Variants in UBAC2 observed in about 807,000 individuals in gnomAD.
UBAC2 encodes ubiquitin-associated domain-containing protein 2.
Under a neutral mutation model 44.0 loss-of-function variants are expected in UBAC2, and 26 were observed. That is an observed-to-expected ratio of 0.59 (90% CI 0.43 to 0.82). UBAC2 has a LOEUF of 0.82. Ranked by LOEUF, UBAC2 falls within the 40% of genes least tolerant of loss-of-function variation. The pLI is 0.00. For missense variants in UBAC2, 329 were observed against 419.4 expected (o/e 0.78, Z 1.88); for synonymous variants, 155 against 154.3 (o/e 1.00, Z -0.04).
chr13:99,329,469 G>A (rs1200802177), intron 6 of UBAC2, among the ~76,000 whole-genome samples: 3 of 152,152 alleles, frequency 2.0e-5, no homozygotes, highest in African/African-American at 7.2e-5. Context: ...TCCTCTGCTA[G>A]CATTTGAGCT....
chr13:99,291,166 A>G (rs1276490204), intron 4 of UBAC2, among the ~76,000 whole-genome samples: 3 of 152,172 alleles, frequency 2.0e-5, no homozygotes, highest in Non-Finnish European at 1.5e-5. Flanking sequence ...TAGTCATACC[A>G]TGTCTTAAGG....
chr13:99,209,254 G>T (rs1355623218), intron 1 of UBAC2, among the ~76,000 whole-genome samples: 1 of 152,168 alleles, frequency 6.6e-6, no homozygotes, highest in Non-Finnish European at 1.5e-5. Flanking sequence ...GCCCCTCAAG[G>T]ATTCACTTCA....
Position 99,302,097 on chromosome 13 carries a change from A to G in UBAC2, c.390-12000A>G, listed in dbSNP as rs570923341. 5.3e-5 allele frequency among the ~76,000 whole-genome samples: 8 copies of G among 152,274 alleles called. No homozygotes were observed. The South Asian group carries it at 1.0e-3, about 20-fold the overall frequency. ...TTATACAGAGAGGTGACCTAAATCA[A>G]TGTGCCCACAGTGGATGTACCAAAG... On this transcript the variant is annotated intron_variant, in intron 4 of 8. Coordinates refer to ENST00000403766, the MANE Select transcript of UBAC2 (RefSeq NM_001144072.2).
intron 4 of UBAC2, among the ~76,000 whole-genome samples, chr13:99,300,550 G>A (rs1199165746): frequency 6.6e-6 from 1 of 152,152 alleles, no homozygotes; most frequent in East Asian, 1.9e-4. Flanking sequence ...TCTTCCCTTA[G>A]AGATATTACT....
intron 4 of UBAC2, among the ~76,000 whole-genome samples, chr13:99,292,795 A>G (rs1040857653): frequency 6.6e-6 from 1 of 151,394 alleles, no homozygotes. Flanking sequence ...CCCAATTATT[A>G]TTTAAAATTG....
chr13:99,277,139 A>G (rs2043894201), intron 4 of UBAC2, among the ~76,000 whole-genome samples: 1 of 151,864 alleles, frequency 6.6e-6, no homozygotes, highest in Non-Finnish European at 1.5e-5. Flanking sequence ...GTGGGCTTAT[A>G]CCTTTAAAAA....
intron 8 of UBAC2, among the ~76,000 whole-genome samples, chr13:99,381,646 A>G (rs980839594): frequency 6.6e-6 from 1 of 152,172 alleles, no homozygotes; most frequent in Non-Finnish European, 1.5e-5. Flanking sequence ...GGAACATCAT[A>G]CAGGTTATTT....
intron 6 of UBAC2, among the ~76,000 whole-genome samples, chr13:99,322,684 C>A (rs2044584466): frequency 2.0e-5 from 3 of 152,256 alleles, no homozygotes; most frequent in Non-Finnish European, 4.4e-5. Flanking sequence ...GGAAAAAAAA[C>A]AATCTGTTAC....
chr13:99,283,251 G>A lies in UBAC2; in HGVS notation c.390-30846G>A, dbSNP rs184274029. On this transcript the variant is annotated intron_variant, in intron 4 of 8. Coordinates refer to ENST00000403766, the MANE Select transcript of UBAC2 (RefSeq NM_001144072.2). ...TGTGGTTTTCAGCTGTTATTCCAGT[G>A]TGTAGAATAGCAGCTGGTTCATAGA... Among the ~76,000 whole-genome samples the A allele has an allele frequency of 1.2e-4, 18 of 152,254 alleles. No homozygotes were observed. The Middle Eastern group carries it at 0.014, about 115-fold the overall frequency.
intron 1 of UBAC2, among the ~76,000 whole-genome samples, chr13:99,232,877 G>C (rs796737986): frequency 6.6e-6 from 1 of 152,170 alleles, no homozygotes. Flanking sequence ...AGGAGGTGGA[G>C]GTTGCAGTCA....
intron 4 of UBAC2, among the ~76,000 whole-genome samples, chr13:99,277,914 C>T (rs1323434953): frequency 1.3e-5 from 2 of 152,146 alleles, no homozygotes; most frequent in Non-Finnish European, 2.9e-5. Context: ...AGGAACATAA[C>T]GTTCTTCTAA....
At chr13:99,355,803 CTG>C (rs1449388599) in intron 7 of UBAC2, among the ~76,000 whole-genome samples, 1 of 152,250 alleles carries the variant, frequency 6.6e-6, no homozygotes, top group Non-Finnish European at 1.5e-5. Context: ...TCACCCCACT[CTG>C]TGCAGGGGGC....
intron 7 of UBAC2, among the ~76,000 whole-genome samples, chr13:99,343,952 T>TAA (rs2044933059): frequency 6.6e-6 from 1 of 152,216 alleles, no homozygotes; most frequent in Non-Finnish European, 1.5e-5. Flanking sequence ...GCTTATTATA[T>TAA]GGTAGGCCTA....
intron 8 of UBAC2, among the ~76,000 whole-genome samples, chr13:99,373,819 T>G (rs750538391): frequency 6.6e-6 from 1 of 152,118 alleles, no homozygotes; most frequent in Non-Finnish European, 1.5e-5. Context: ...GTGGTTATAC[T>G]CTAGACACCA....
intron 6 of UBAC2, among the ~76,000 whole-genome samples, chr13:99,324,548 C>A (rs949124278): frequency 6.6e-6 from 1 of 152,162 alleles, no homozygotes; most frequent in African/African-American, 2.4e-5. Context: ...TAATTTGTTA[C>A]CACAGTATAA....
chr13:99,346,669 G>A (rs1331698781), intron 7 of UBAC2, among the ~76,000 whole-genome samples: 2 of 152,032 alleles, frequency 1.3e-5, no homozygotes, highest in Admixed American at 6.5e-5. Flanking sequence ...TATTTACTCG[G>A]CATTCCTGAC....
chr13:99,244,121 T>C (rs558812846), intron 3 of UBAC2, among the ~76,000 whole-genome samples, 170 bp downstream of exon 3: 9 of 152,304 alleles, frequency 5.9e-5, no homozygotes, highest in Middle Eastern at 3.4e-3. Flanking sequence ...AATTTTAAAA[T>C]GTAAGACATT....
intron 4 of UBAC2, among the ~76,000 whole-genome samples, chr13:99,287,639 CTTTCT>C (rs1306619187): frequency 1.7e-5 from 2 of 114,516 alleles, no homozygotes; most frequent in African/African-American, 5.9e-5. Context: ...TTTTTTTTTT[CTTTCT>C]TTTTTTTTTT....
intron 8 of UBAC2, chr13:99,376,883 G>T (rs1210553057): frequency 6.6e-6 from 1 of 152,186 alleles, no homozygotes; most frequent in Non-Finnish European, 1.5e-5. Flanking sequence ...CACCTTTTTA[G>T]AAAATTTCTT....
Sources: gnomAD v4.1 joint callset for allele counts (sites outside exome capture counted in the v4.1 genomes callset) on GRCh38, gnomAD v4.1.1 for gene constraint, MANE v1.5 for transcripts, NCBI Gene and HGNC (gene_info 2026-07-23, HGNC 2026-07-21) for gene names.